Variants in MGAT4C observed in about 807,000 individuals in gnomAD.
The protein encoded by MGAT4C is alpha-1,3-mannosyl-glycoprotein 4-beta-N-acetylglucosaminyltransferase C.
A neutral mutation model predicts 40.1 loss-of-function variants in MGAT4C; 19 were observed. The ratio of observed to expected loss-of-function variants is 0.47; its 90% CI spans 0.33 to 0.70. MGAT4C has a LOEUF of 0.70. Ranked by LOEUF, MGAT4C falls within the 30% of genes least tolerant of loss-of-function variation. The pLI is 0.02. For synonymous variants in MGAT4C, 181 were observed against 187.1 expected (o/e 0.97, Z 0.27); for missense variants, 491 against 563.2 (o/e 0.87, Z 1.30).
chr12:86,136,971 C>T (rs1882051825), intron 1 of MGAT4C, among the ~76,000 whole-genome samples: 1 of 152,128 alleles, frequency 6.6e-6, no homozygotes, highest in Non-Finnish European at 1.5e-5. Context: ...CAGGCATGAG[C>T]CGCGCGCCTG....
chr12:86,537,795 A>AT (rs1027215059), intron 2 of MGAT4C, among the ~76,000 whole-genome samples: 1 of 151,310 alleles, frequency 6.6e-6, no homozygotes, highest in Non-Finnish European at 1.5e-5. Context: ...GATACAAATA[A>AT]TTTTTTTTGG....
chr12:86,209,510 A>G (rs1488391547), intron 1 of MGAT4C, among the ~76,000 whole-genome samples: 1 of 152,182 alleles, frequency 6.6e-6, no homozygotes, highest in African/African-American at 2.4e-5. Flanking sequence ...TGTCCAAGCT[A>G]CAATATGTTT....
chr12:86,024,217 T>C (rs2136877829), intron 2 of MGAT4C, among the ~76,000 whole-genome samples: 1 of 152,008 alleles, frequency 6.6e-6, no homozygotes, highest in South Asian at 2.1e-4. Flanking sequence ...TATGCGTAAA[T>C]AACGTTAAAC....
intron 4 of MGAT4C, among the ~76,000 whole-genome samples, chr12:86,274,304 G>A (rs1033401665): frequency 1.3e-5 from 2 of 152,080 alleles, no homozygotes; most frequent in African/African-American, 4.8e-5. Flanking sequence ...TGAGATTTGG[G>A]TGGGGACATA....
At chr12:86,705,432 G>A (rs956764421) in intron 2 of MGAT4C, among the ~76,000 whole-genome samples, 1 of 152,052 alleles carries the variant, frequency 6.6e-6, no homozygotes, top group African/African-American at 2.4e-5. Flanking sequence ...AAAGTGAAAT[G>A]TTAGGGGAGG....
intron 2 of MGAT4C, among the ~76,000 whole-genome samples, chr12:86,724,333 G>T (rs1027590208): frequency 2.6e-5 from 4 of 152,042 alleles, no homozygotes; most frequent in Non-Finnish European, 4.4e-5. Flanking sequence ...TGATGCAATT[G>T]GTCTTTGATA....
At chr12:86,358,204 C>A (rs1955363013) in intron 3 of MGAT4C, among the ~76,000 whole-genome samples, 1 of 152,104 alleles carries the variant, frequency 6.6e-6, no homozygotes, top group South Asian at 2.1e-4. Context: ...AATTTTCAAC[C>A]CAGAATTTCA....
At chr12:86,699,240 A>G (rs2136610995) in intron 2 of MGAT4C, among the ~76,000 whole-genome samples, 1 of 152,330 alleles carries the variant, frequency 6.6e-6, no homozygotes, top group East Asian at 1.9e-4. Flanking sequence ...CAAATTAAAC[A>G]GGATATTTTA....
intron 1 of MGAT4C, among the ~76,000 whole-genome samples, chr12:86,103,596 A>AT (rs1354995595): frequency 6.6e-6 from 1 of 152,088 alleles, no homozygotes; most frequent in Admixed American, 6.6e-5. Flanking sequence ...CCAATTTGTT[A>AT]TGGTAGCCAC....
intron 1 of MGAT4C, among the ~76,000 whole-genome samples, chr12:86,075,755 C>T (rs1041775106): frequency 1.3e-5 from 2 of 152,242 alleles, no homozygotes; most frequent in African/African-American, 4.8e-5. Context: ...GGGCTTCCAT[C>T]CTCTGAAGCC....
intron 2 of MGAT4C, among the ~76,000 whole-genome samples, chr12:86,541,662 G>A (rs1959168266): frequency 6.6e-6 from 1 of 152,156 alleles, no homozygotes. Context: ...AAGTGAAATT[G>A]TATTTTAAGT....
chr12:86,748,613 G>A (rs1373826456), intron 1 of MGAT4C, among the ~76,000 whole-genome samples: 2 of 151,618 alleles, frequency 1.3e-5, no homozygotes, highest in South Asian at 2.1e-4. Context: ...AGGAGAATGA[G>A]TAGTCAGGGT....
intron 1 of MGAT4C, among the ~76,000 whole-genome samples, chr12:86,812,010 T>C (rs1444232777): frequency 4.6e-5 from 7 of 152,262 alleles, no homozygotes; most frequent in African/African-American, 7.2e-5. Context: ...GTATGCTCCA[T>C]ATGTATTTTC....
intron 1 of MGAT4C, among the ~76,000 whole-genome samples, chr12:86,828,990 T>C (rs1952864619): frequency 6.6e-6 from 1 of 151,584 alleles, no homozygotes; most frequent in Admixed American, 6.6e-5. Flanking sequence ...AATTCTATGG[T>C]ATATAAATTA....
intron 1 of MGAT4C, among the ~76,000 whole-genome samples, chr12:86,151,212 G>C (rs530057483): frequency 9.3e-4 from 142 of 152,166 alleles, no homozygotes; most frequent in African/African-American, 3.3e-3. Flanking sequence ...CCCTTCTTTG[G>C]AATGTGCAGT....
chr12:86,277,399 G>C (rs757116692), intron 4 of MGAT4C, among the ~76,000 whole-genome samples: 1 of 152,108 alleles, frequency 6.6e-6, no homozygotes, highest in Non-Finnish European at 1.5e-5. Flanking sequence ...TTAACTTGAC[G>C]TGATCCCCAT....
intron 1 of MGAT4C, among the ~76,000 whole-genome samples, chr12:86,152,344 T>C (rs1566058469): frequency 6.6e-6 from 1 of 152,186 alleles, no homozygotes; most frequent in East Asian, 1.9e-4. Context: ...GCTTCCAAGA[T>C]GGTGCCTCGT....
At chr12:86,278,108 C>G (rs946392619) in intron 4 of MGAT4C, among the ~76,000 whole-genome samples, 47 of 145,808 alleles carry the variant, frequency 3.2e-4, no homozygotes, top group Admixed American at 3.2e-3. Context: ...ATTTTTTTCA[C>G]TTCTTTGGTT....
intron 3 of MGAT4C, among the ~76,000 whole-genome samples, chr12:86,421,062 C>T (rs1040575012): frequency 6.6e-6 from 1 of 151,892 alleles, no homozygotes; most frequent in Non-Finnish European, 1.5e-5. Context: ...GTGAACCAAA[C>T]AAAATTTAAT....
Sources: gnomAD v4.1 joint callset for allele counts (sites outside exome capture counted in the v4.1 genomes callset) on GRCh38, gnomAD v4.1.1 for gene constraint, MANE v1.5 for transcripts, NCBI Gene and HGNC (gene_info 2026-07-23, HGNC 2026-07-21) for gene names.